Variants in CNTN4 observed in about 807,000 individuals in gnomAD.
CNTN4 encodes contactin-4.
In CNTN4, 77 loss-of-function variants were observed where a neutral mutation model predicts 122.5. The observed-to-expected ratio is 0.63, with a 90% CI of 0.52 to 0.76. The LOEUF is 0.76. CNTN4 is among the 30% of genes least tolerant of loss of function. The probability of loss-of-function intolerance (pLI) is 0.00; values close to 1 mark genes in which losing one functional copy is unlikely to be tolerated. For missense variants in CNTN4, 1,256 were observed against 1,259.1 expected, an observed-to-expected ratio of 1.00 and a Z score of 0.04; for synonymous variants, 512 against 447.0, an observed-to-expected ratio of 1.15 and a Z score of -1.83.
At chr3:2,199,406 T>A (rs1443292611) in intron 2 of CNTN4, among the ~76,000 whole-genome samples, 3 of 152,104 alleles carry the variant, frequency 2.0e-5, no homozygotes, top group African/African-American at 7.2e-5. Context: ...CTCCGTACCT[T>A]CTCTCCCCCT....
intron 4 of CNTN4, among the ~76,000 whole-genome samples, chr3:2,584,776 C>T (rs901264746): frequency 4.7e-5 from 7 of 148,004 alleles, no homozygotes; most frequent in African/African-American, 1.5e-4. Context: ...TAATTGTTTG[C>T]ATTTAAGGGG....
intron 3 of CNTN4, among the ~76,000 whole-genome samples, chr3:2,438,409 C>A (rs1575630297): frequency 6.6e-6 from 1 of 152,256 alleles, no homozygotes; most frequent in East Asian, 1.9e-4. Flanking sequence ...GTAATCCCAG[C>A]TACTTGGGTG....
chr3:3,054,027 C>T (rs766019986), intron 24 of CNTN4, 52 bp downstream of exon 24: 68 of 1,580,566 alleles, frequency 4.3e-5, no homozygotes, highest in Non-Finnish European at 5.9e-5. Context: ...ATCTTATCAG[C>T]CTTCCAGATG....
chr3:2,772,314 G>A (rs2091137967), intron 6 of CNTN4, among the ~76,000 whole-genome samples: 1 of 141,604 alleles, frequency 7.1e-6, no homozygotes, highest in Admixed American at 6.8e-5. Context: ...CTAAGACAAA[G>A]GCAGTGAAAG....
chr3:2,396,316 C>A (rs941926286), intron 3 of CNTN4, among the ~76,000 whole-genome samples: 12 of 152,158 alleles, frequency 7.9e-5, no homozygotes, highest in African/African-American at 2.9e-4. Flanking sequence ...TGAGCCAAAG[C>A]GCCCAGCCTA....
chr3:2,906,844 CAAAAAAA>C (rs11287897), intron 12 of CNTN4, among the ~76,000 whole-genome samples: 1 of 122,408 alleles, frequency 8.2e-6, no homozygotes, highest in Non-Finnish European at 1.7e-5. Flanking sequence ...AACTCCTTCT[CAAAAAAA>C]AAAAAAAAGA....
In CNTN4 at chr3:2,571,409, C is replaced by A. The variant is rs1213200912; in HGVS notation, c.-88-7C>A. On this transcript the variant is annotated splice_region_variant and splice_polypyrimidine_tract_variant and intron_variant, in intron 3 of 24. Coordinates refer to ENST00000418658, the MANE Select transcript of CNTN4 (RefSeq NM_175607.3). ...AATCTCATTGTAATGTCTCTTCTTTCCCACAGATTAAAGGTTATACAAAAC... is the reference window on the plus strand; with the variant it reads ...AATCTCATTGTAATGTCTCTTCTTTACCACAGATTAAAGGTTATACAAAAC... 10 of 865,850 alleles carry A rather than the reference C, an allele frequency of 1.2e-5. No individual in the cohort carries two copies. The highest frequency in any genetic ancestry group is 3.6e-5 in the Admixed American group (2 of 56,124). 53.6% of individuals were successfully genotyped at this position (865,850 alleles called of 1,614,324 possible).
chr3:2,780,205 A>C (rs77872089), intron 6 of CNTN4, among the ~76,000 whole-genome samples: 6,568 of 152,320 alleles, frequency 0.043, 180 homozygotes, highest in South Asian at 0.066. Context: ...ACAGAATGAT[A>C]TAAAGTATTT....
At chr3:2,477,346 T>C (rs1175756946) in intron 3 of CNTN4, among the ~76,000 whole-genome samples, 1 of 152,202 alleles carries the variant, frequency 6.6e-6, no homozygotes, top group African/African-American at 2.4e-5. Context: ...TATGTTCATA[T>C]ACTAATAATA....
chr3:2,883,047 T>C, intron 8 of CNTN4, 98 bp from the exon 9 acceptor site: 1 of 793,138 alleles, frequency 1.3e-6, no homozygotes, highest in South Asian at 1.5e-5. Context: ...GTGCACATAA[T>C]GATGTGTATA....
chr3:2,669,847 T>G (rs1241207879), intron 4 of CNTN4, among the ~76,000 whole-genome samples: 3 of 152,236 alleles, frequency 2.0e-5, no homozygotes, highest in Non-Finnish European at 4.4e-5. Context: ...CATTTCGTTA[T>G]GTACCCAGTA....
chr3:2,900,545 C>T (rs1325784431), intron 10 of CNTN4, 140 bp from the exon 11 acceptor site: 5 of 917,792 alleles, frequency 5.4e-6, no homozygotes, highest in Non-Finnish European at 8.6e-6. Context: ...CCCTGAATGT[C>T]TCCCCAGTCT....
intron 4 of CNTN4, among the ~76,000 whole-genome samples, chr3:2,714,893 C>T (rs1196609774): frequency 1.3e-5 from 2 of 152,130 alleles, no homozygotes; most frequent in Non-Finnish European, 2.9e-5. Flanking sequence ...TGAGGCACCA[C>T]GCTGGGCCCA....
chr3:2,899,796 T>C (rs1041342737), intron 10 of CNTN4, among the ~76,000 whole-genome samples: 1 of 152,136 alleles, frequency 6.6e-6, no homozygotes. Context: ...AAATCAGAAC[T>C]CATTTAAAGA....
chr3:2,486,925 A>G (rs1395580311), intron 3 of CNTN4, among the ~76,000 whole-genome samples: 1 of 152,124 alleles, frequency 6.6e-6, no homozygotes, highest in African/African-American at 2.4e-5. Flanking sequence ...CAACATATTT[A>G]TGTTATCTTA....
chr3:2,866,099 T>G (rs1330911313), intron 7 of CNTN4, among the ~76,000 whole-genome samples: 1 of 152,178 alleles, frequency 6.6e-6, no homozygotes, highest in Admixed American at 6.5e-5. Flanking sequence ...GGAAAAGTAT[T>G]CAACCTCACA....
chr3:2,573,738 A>G (rs1363802213), intron 4 of CNTN4, among the ~76,000 whole-genome samples: 1 of 152,140 alleles, frequency 6.6e-6, no homozygotes, highest in African/African-American at 2.4e-5. Flanking sequence ...TTTTATAGAG[A>G]ATCAGTGTAT....
intron 4 of CNTN4, among the ~76,000 whole-genome samples, chr3:2,608,635 C>A (rs1387221327): frequency 1.3e-5 from 2 of 152,160 alleles, no homozygotes; most frequent in African/African-American, 2.4e-5. Flanking sequence ...GCACGTGCCA[C>A]CATGCCTGGC....
chr3:2,173,857 T>G (rs1035795843), intron 2 of CNTN4, among the ~76,000 whole-genome samples: 2 of 152,112 alleles, frequency 1.3e-5, no homozygotes, highest in East Asian at 3.9e-4. Flanking sequence ...AATAATTAAA[T>G]AAAATTATGC....
Sources: allele counts gnomAD v4.1 joint callset (sites outside exome capture counted in the v4.1 genomes callset), GRCh38; gene constraint gnomAD v4.1.1; transcripts MANE v1.5; gene names NCBI Gene and HGNC (gene_info 2026-07-23, HGNC 2026-07-21).